The following LANCL3 variants were observed in gnomAD, a reference collection of about 807,000 sequenced individuals.
The protein encoded by LANCL3 is LanC like family member 3.
In LANCL3, 19 loss-of-function variants were observed where a neutral mutation model predicts 26.5. The observed-to-expected ratio is 0.72, with a 90% confidence interval of 0.50 to 1.05. The LOEUF (loss-of-function observed/expected upper bound fraction) is 1.05. LANCL3 is among the 50% of genes least tolerant of loss of function. The probability of loss-of-function intolerance (pLI) is 0.00; values close to 1 mark genes in which losing one functional copy is unlikely to be tolerated. For missense variants in LANCL3, 318 were observed against 362.7 expected (o/e 0.88, Z 1.00); for synonymous variants, 160 against 166.6 (o/e 0.96, Z 0.30).
intron 1 of LANCL3, among the ~76,000 whole-genome samples, chrX:37,581,445 A>T (rs1462992132): frequency 8.9e-6 from 1 of 112,254 alleles, no homozygotes; most frequent in Non-Finnish European, 1.9e-5. Context: ...AAAGGCCCAA[A>T]CAAATCACAT....
At chrX:37,657,897 C>T (rs1926324153) in intron 2 of LANCL3, among the ~76,000 whole-genome samples, 1 of 111,208 alleles carries the variant, frequency 9.0e-6, no homozygotes, top group South Asian at 3.8e-4. Context: ...AGTAAAAGAT[C>T]CCTGAATGCA....
At chrX:37,656,247 C>CAAAA (rs781921541) in intron 2 of LANCL3, among the ~76,000 whole-genome samples, 56 of 85,233 alleles carry the variant, frequency 6.6e-4, no homozygotes, top group African/African-American at 2.3e-3. Flanking sequence ...CTGGGCCATG[C>CAAAA]AAAAAAAAAA....
chrX:37,574,088 A>G (rs1243317316), intron 1 of LANCL3, among the ~76,000 whole-genome samples: 1 of 96,134 alleles, frequency 1.0e-5, no homozygotes, highest in Non-Finnish European at 2.0e-5. Context: ...CACCACCACC[A>G]CCAACAAAAA....
At position 37,671,318 on chromosome X, in the gene LANCL3, C is replaced by A. The variant is rs111387375; in HGVS notation, c.1103+3829C>A. Among the ~76,000 whole-genome samples the A allele has an allele frequency of 4.5e-3, 505 of 111,216 alleles. 8 individuals are homozygous for A. The highest frequency in any genetic ancestry group is 6.0e-3 in the Non-Finnish European group (317 of 52,929). ...TCAATAATAAGAGGGATAGTAAACA[C>A]CCTTGCTTTTATGCTGATTTTACTA... On this transcript the variant is annotated intron_variant, in intron 4 of 4. Transcript: ENST00000378619.
intron 1 of LANCL3, among the ~76,000 whole-genome samples, chrX:37,643,586 AT>A (rs1316249791): frequency 1.8e-5 from 2 of 112,293 alleles, no homozygotes; most frequent in Non-Finnish European, 3.8e-5. Context: ...AAGGAATGAC[AT>A]TTTGGGAAAA....
rs140873110 is a variant in LANCL3 at position 37,593,727 on chromosome X, A to G, written c.573+21284A>G. ...TGTGCTTTTTGGCCATTATTTATACACAGTTTGTTTTGTTCTTCACATTTA... is the reference window on the plus strand; with the variant it reads ...TGTGCTTTTTGGCCATTATTTATACGCAGTTTGTTTTGTTCTTCACATTTA... On this transcript the variant is annotated intron_variant, in intron 1 of 4. Coordinates refer to ENST00000378619, the MANE Select transcript of LANCL3 (RefSeq NM_001170331.2). Among the ~76,000 whole-genome samples, 769 of 111,999 alleles carry G rather than the reference A, an allele frequency of 6.9e-3. 4 individuals carry two copies. The highest frequency in any genetic ancestry group is 0.024 in the African/African-American group (729 of 30,911).
chrX:37,633,148 C>G (rs1247904543), intron 1 of LANCL3, among the ~76,000 whole-genome samples: 1 of 92,585 alleles, frequency 1.1e-5, no homozygotes, highest in Admixed American at 1.1e-4. Flanking sequence ...AGGCTTTGTT[C>G]GTTTTTTTTT....
chrX:37,603,742 A>G (rs781924838), intron 1 of LANCL3, among the ~76,000 whole-genome samples: 7 of 112,248 alleles, frequency 6.2e-5, no homozygotes, highest in Non-Finnish European at 9.4e-5. Flanking sequence ...TCAGAGCACA[A>G]TGATTAGTGG....
intron 1 of LANCL3, among the ~76,000 whole-genome samples, chrX:37,605,083 G>A (rs1320429347): frequency 9.0e-6 from 1 of 111,715 alleles, no homozygotes; most frequent in African/African-American, 3.3e-5. Flanking sequence ...TATCCCCTTT[G>A]TCGCCATCAT....
At position 37,678,441 on chromosome X, in the gene LANCL3, C is replaced by G. The variant is rs1280066729; in HGVS notation, c.*2628C>G. 9.0e-6 allele frequency: 1 copy of G among 110,822 alleles called. No homozygotes were observed. The highest frequency in any genetic ancestry group is 1.9e-5 in the Non-Finnish European group (1 of 52,839). 9.1% of individuals were successfully genotyped at this position (110,822 alleles called of 1,213,427 possible). On this transcript the variant is annotated 3_prime_UTR_variant, in exon 5 of 5. Coordinates refer to ENST00000378619, the MANE Select transcript of LANCL3 (RefSeq NM_001170331.2). The stretch of plus-strand genomic sequence containing the variant: ...ACTAGTATAACTTTAATATTATTTA[C>G]TATATACAGCATGAGCAATTATAAA...
rs1343258032 is a variant in LANCL3 at position 37,678,262 on chromosome X, A to G, written c.*2449A>G. 9.0e-6 allele frequency: 1 copy of G among 111,052 alleles called. No homozygotes were observed. The highest frequency in any genetic ancestry group is 9.6e-5 in the Admixed American group (1 of 10,444). The allele number at this position is 111,052 out of a possible 1,213,427, so 9.2% of individuals were successfully genotyped here. A position where few individuals can be genotyped will look rare whatever the true frequency, so the allele number is the denominator to read the frequency against. On this transcript the variant is annotated 3_prime_UTR_variant, in exon 5 of 5. Transcript: ENST00000378619. ...TCCTCTTCTATATTATTTTTCCAAG[A>G]AGGGGAAAACGATTCTTACATTTTG...
Position 37,571,987 on chromosome X carries a change from C to T in LANCL3, c.117C>T (p.Leu39=), listed in dbSNP as rs1556415539. 8.4e-7 allele frequency: 1 copy of T among 1,193,520 alleles called. No individual in the cohort carries two copies. Among genetic ancestry groups the T allele is most frequent in the Admixed American group, 2.3e-5 (1 of 44,169 alleles). The change falls in exon 1 of 5, where the codon CTC becomes CTT. Residue 39 remains leucine (L), a synonymous_variant. Coordinates refer to ENST00000378619, the MANE Select transcript of LANCL3 (RefSeq NM_001170331.2). ...TCACCGCCACCATCGAGCGCATCCT[C>T]CAGGAGCTTCCCCCACTCGGGGGCG... ...PLVTATIERI[L]QELPPLGGGA... is the part of the protein sequence containing the mutation.
intron 4 of LANCL3, among the ~76,000 whole-genome samples, chrX:37,674,072 AT>A: frequency 8.9e-6 from 1 of 111,994 alleles, no homozygotes; most frequent in Middle Eastern, 4.6e-3. Context: ...GCCAAAGGTC[AT>A]ACAACATGAA....
rs1192655982 is a variant in LANCL3 at position 37,679,719 on chromosome X, T to C, written c.*3906T>C. ...TGTCCCAAATTAATAGCTAAATGAC[T>C]GAGCCTCAAATTTGCCGAGCCCGTG... On this transcript the variant is annotated 3_prime_UTR_variant, in exon 5 of 5. Coordinates refer to ENST00000378619, the MANE Select transcript of LANCL3 (RefSeq NM_001170331.2). 1 of 111,504 alleles carries C rather than the reference T, an allele frequency of 9.0e-6. No individual in the cohort carries two copies. The highest frequency in any genetic ancestry group is 3.3e-5 in the African/African-American group (1 of 30,638). 9.2% of individuals were successfully genotyped at this position (111,504 alleles called of 1,213,427 possible).
chrX:37,655,046 G>A (rs1300837688), intron 1 of LANCL3, among the ~76,000 whole-genome samples: 6 of 112,729 alleles, frequency 5.3e-5, no homozygotes, highest in African/African-American at 1.3e-4. Context: ...TCCTAAAACC[G>A]ACTGTGGACA....
chrX:37,658,339 T>C (rs1193982671), intron 2 of LANCL3, among the ~76,000 whole-genome samples: 15 of 112,175 alleles, frequency 1.3e-4, no homozygotes, highest in African/African-American at 4.5e-4. Context: ...GAAAGCCAGA[T>C]CCAGGAAAGC....
chrX:37,664,417 G>A (rs1926492906), intron 3 of LANCL3, among the ~76,000 whole-genome samples: 1 of 112,170 alleles, frequency 8.9e-6, no homozygotes, highest in African/African-American at 3.2e-5. Flanking sequence ...TATAGCAGAT[G>A]CCCAATTAAT....
intron 1 of LANCL3, 53 bp from the exon 2 acceptor site, chrX:37,655,635 T>C: frequency 9.1e-7 from 1 of 1,098,479 alleles, no homozygotes; most frequent in Non-Finnish European, 1.2e-6. Context: ...ATTCAGTGTC[T>C]AAGGAAAAAG....
intron 1 of LANCL3, among the ~76,000 whole-genome samples, chrX:37,648,768 A>G (rs1428352207): frequency 8.9e-6 from 1 of 112,349 alleles, no homozygotes; most frequent in African/African-American, 3.2e-5. Context: ...TTTACAAGAA[A>G]AAAACAACCC....
Sources: allele counts gnomAD v4.1 joint callset (sites outside exome capture counted in the v4.1 genomes callset), GRCh38; gene constraint gnomAD v4.1.1; transcripts MANE v1.5; gene names NCBI Gene and HGNC (gene_info 2026-07-23, HGNC 2026-07-21).